COL5A2: variants seen among roughly 807,000 people sequenced by gnomAD.
COL5A2 encodes collagen alpha-2(V) chain.
COL5A2 carries 23 observed loss-of-function variants against 208.2 expected under a neutral mutation model. That is an observed-to-expected ratio of 0.11 (90% CI 0.08 to 0.16). COL5A2 has a LOEUF of 0.16. COL5A2 is among the 10% of genes least tolerant of loss of function. The pLI, the probability that COL5A2 is intolerant of heterozygous loss-of-function variation, is 1.00. For synonymous variants in COL5A2, 625 were observed against 628.5 expected (o/e 0.99, Z 0.08); for missense variants, 1,590 against 1,956.4 (o/e 0.81, Z 3.53).
chr2:189,283,977 C>T, the COL5A2 span, among the ~76,000 whole-genome samples: 7 of 152,186 alleles, frequency 4.6e-5, no homozygotes, highest in Admixed American at 1.3e-4. Context: ...AATAATGCTG[C>T]TTAGCCTAAC....
At chr2:189,352,702 G>A in the COL5A2 span, among the ~76,000 whole-genome samples, 1 of 152,070 alleles carries the variant, frequency 6.6e-6, no homozygotes, top group South Asian at 2.1e-4. Context: ...TTTGTCAGAT[G>A]GATAGATTGA....
chr2:189,351,872 A>G, the COL5A2 span, among the ~76,000 whole-genome samples: 1 of 152,114 alleles, frequency 6.6e-6, no homozygotes, highest in Non-Finnish European at 1.5e-5. Context: ...GGTTTGTTAC[A>G]TAGGTATACA....
At chr2:189,034,894 A>C in intron 53 of COL5A2, 22 bp downstream of exon 53, 1 of 1,613,758 alleles carries the variant, frequency 6.2e-7, no homozygotes, top group African/African-American at 1.3e-5. Context: ...AACCAGATCA[A>C]TGTAGATCAA....
At chr2:189,043,632 T>C (rs1037269243) in intron 47 of COL5A2, among the ~76,000 whole-genome samples, 1 of 152,168 alleles carries the variant, frequency 6.6e-6, no homozygotes, top group Non-Finnish European at 1.5e-5. Flanking sequence ...ATTGCTACCA[T>C]ATATAGATTC....
At chr2:189,282,889 T>C in the COL5A2 span, among the ~76,000 whole-genome samples, 1 of 152,146 alleles carries the variant, frequency 6.6e-6, no homozygotes, top group Admixed American at 6.5e-5. Context: ...ACTTAAATTC[T>C]AGGATAAATT....
the COL5A2 span, among the ~76,000 whole-genome samples, chr2:189,369,075 A>C: frequency 6.6e-6 from 1 of 152,196 alleles, no homozygotes; most frequent in African/African-American, 2.4e-5. Context: ...TTGTCTAGAC[A>C]ACACATTAAA....
chr2:189,130,668 A>G (rs534312520), intron 1 of COL5A2, among the ~76,000 whole-genome samples: 1 of 151,868 alleles, frequency 6.6e-6, no homozygotes, highest in Non-Finnish European at 1.5e-5. Flanking sequence ...GATTTCAAAC[A>G]GATCTAGCTA....
rs1488001302 is a variant in COL5A2 at position 189,097,304 on chromosome 2, T to C, written c.429A>G (p.Arg143=). The part of the protein sequence containing the change: ...PAGPPGSQGP[R]GERGPKGRPG... ...GTCTTCCTTTTGGCCCTCGCTCTCC[T>C]CTTGGTCCCTGTGATCCTGGAGGTC... Residue 143 remains arginine, a synonymous_variant, in exon 6 of 54, where the codon AGA becomes AGG. Transcript: ENST00000374866. The C allele has an allele frequency of 1.2e-6, 2 of 1,614,134 alleles. No individual in the cohort carries two copies. The highest frequency in any genetic ancestry group is 1.7e-6 in the Non-Finnish European group (2 of 1,180,022).
intron 1 of COL5A2, among the ~76,000 whole-genome samples, chr2:189,188,612 G>A (rs1688883723): frequency 6.6e-6 from 1 of 152,174 alleles, no homozygotes; most frequent in African/African-American, 2.4e-5. Context: ...TTAAATGGCA[G>A]GACTAGGCAC....
chr2:189,239,003 C>T, the COL5A2 span, among the ~76,000 whole-genome samples: 2 of 152,024 alleles, frequency 1.3e-5, no homozygotes, highest in Non-Finnish European at 2.9e-5. Flanking sequence ...TCTTTTTACA[C>T]AGAAAATAAA....
chr2:189,417,923 T>C, the COL5A2 span, among the ~76,000 whole-genome samples: 13 of 152,124 alleles, frequency 8.5e-5, no homozygotes, highest in African/African-American at 3.1e-4. Context: ...TTATCATTAA[T>C]GCTGCAATCA....
intron 2 of COL5A2, among the ~76,000 whole-genome samples, chr2:189,106,993 G>C (rs920012326): frequency 2.6e-5 from 4 of 151,166 alleles, no homozygotes; most frequent in Middle Eastern, 3.2e-3. Context: ...ATTTAGAATT[G>C]TAAAAAAAAT....
the COL5A2 span, among the ~76,000 whole-genome samples, chr2:189,402,284 C>G: frequency 6.6e-6 from 1 of 152,146 alleles, no homozygotes; most frequent in Non-Finnish European, 1.5e-5. Context: ...GTGGTGCGAT[C>G]TTGGCTCACT....
intron 1 of COL5A2, among the ~76,000 whole-genome samples, chr2:189,209,133 G>A (rs1188454576): frequency 2.6e-5 from 4 of 152,142 alleles, no homozygotes; most frequent in Non-Finnish European, 5.9e-5. Context: ...GGTGGTAGAA[G>A]CTTCTACAGT....
rs1353774310 is a variant in COL5A2 at position 189,041,670 on chromosome 2, A to G, written c.3549T>C (p.Pro1183=). ...GPRGPPGPVG[P]SGKEGNPGPL... The stretch of plus-strand genomic sequence containing the variant: ...GCCCAGGGTTTCCTTCTTTACCTGA[A>G]GGACCAACTGGGCCTGGAGGACCCT... The change falls in exon 50 of 54, where the codon CCT becomes CCC. Residue 1183 remains proline (P), a synonymous_variant. Transcript: ENST00000374866. The G allele has an allele frequency of 6.2e-7, 1 of 1,613,934 alleles. No homozygotes were observed. Among genetic ancestry groups the G allele is most frequent in the Non-Finnish European group, 8.5e-7 (1 of 1,179,922 alleles).
At chr2:189,115,959 G>C (rs1405102247) in intron 1 of COL5A2, among the ~76,000 whole-genome samples, 1 of 152,150 alleles carries the variant, frequency 6.6e-6, no homozygotes, top group East Asian at 1.9e-4. Flanking sequence ...GTGTGTCCCT[G>C]ACATTCAGGC....
upstream of COL5A2, among the ~76,000 whole-genome samples, chr2:189,225,567 G>A (rs757927946): frequency 1.3e-5 from 2 of 152,102 alleles, no homozygotes; most frequent in Non-Finnish European, 2.9e-5. Flanking sequence ...AAAATCTGGT[G>A]AGGGCCTGTT....
chr2:189,187,320 T>C, intron 1 of COL5A2, among the ~76,000 whole-genome samples: 1 of 152,202 alleles, frequency 6.6e-6, no homozygotes, highest in East Asian at 1.9e-4. Flanking sequence ...CCACTGTACC[T>C]TGATAATTAA....
chr2:189,441,099 C>T, the COL5A2 span, among the ~76,000 whole-genome samples: 7 of 152,242 alleles, frequency 4.6e-5, no homozygotes, highest in East Asian at 9.6e-4. Context: ...GCAGCGCCGA[C>T]ACCACAGACA....
Sources: allele counts gnomAD v4.1 joint callset (sites outside exome capture counted in the v4.1 genomes callset), GRCh38; gene constraint gnomAD v4.1.1; transcripts MANE v1.5; gene names NCBI Gene and HGNC (gene_info 2026-07-23, HGNC 2026-07-21).